Variants in A2M observed in about 807,000 individuals in gnomAD.
The protein encoded by A2M is C3 and PZP-like alpha-2-macroglobulin domain-containing protein 5.
In A2M, 128 loss-of-function variants were observed where a neutral mutation model predicts 183.9. The ratio of observed to expected loss-of-function variants is 0.70; its 90% CI spans 0.60 to 0.81. The LOEUF is 0.81. Among genes scored for constraint, A2M ranks in the 30% least tolerant of loss-of-function variants. The probability of loss-of-function intolerance (pLI) is 0.00; values close to 1 mark genes in which losing one functional copy is unlikely to be tolerated. For missense variants in A2M, 1,495 were observed against 1,787.6 expected (o/e 0.84, Z 2.95); for synonymous variants, 592 against 670.8 (o/e 0.88, Z 1.81).
At chr12:9,101,409 G>A in intron 12 of A2M, 38 bp downstream of exon 12, 1 of 1,541,188 alleles carries the variant, frequency 6.5e-7, no homozygotes, top group Non-Finnish European at 8.9e-7. Context: ...GAGAGCTTTT[G>A]TCTACAGTGA....
At chr12:9,095,771 G>C (rs1460098459) in intron 15 of A2M, 71 bp from the exon 16 acceptor site, 2 of 656,692 alleles carry the variant, frequency 3.0e-6, no homozygotes, top group Non-Finnish European at 4.2e-6. Context: ...TTTTTTTTTT[G>C]AGACGGAGTC....
Position 9,112,502 on chromosome 12 carries a change from A to C in A2M, c.305T>G (p.Phe102Cys). ...PKSSSNEEVMFLTVQVKGPTQ... is the reference protein window; with the variant it reads ...PKSSSNEEVMCLTVQVKGPTQ... ...TGGTCCTTTCACTTGGACAGTGAGG[A>C]ACATTACCTCCTCATTGGATGAAGA... Residue 102 changes from phenylalanine (F) to cysteine (C), a missense_variant, in exon 3 of 36, where the codon TTC becomes TGC. Transcript: ENST00000318602. 6.2e-7 allele frequency: 1 copy of C among 1,613,756 alleles called. No homozygotes were observed. The highest frequency in any genetic ancestry group is 1.1e-5 in the South Asian group (1 of 91,052).
Position 9,106,600 on chromosome 12 carries a change from G to A in A2M, c.885C>T (p.Asn295=), listed in dbSNP as rs913145672. The change falls in exon 9 of 36, where the codon AAC becomes AAT. Residue 295 remains asparagine (N), a synonymous_variant. Transcript: ENST00000318602. The part of the protein sequence containing the change: ...AFCEKFSGQL[N]SHGCFYQQVK... The stretch of plus-strand genomic sequence containing the variant: ...CTTGCTGATAGAAGCAGCCATGGCT[G>A]TTTAGCTAAGAAGGGAGAAAATAAA... 3.9e-6 allele frequency: 6 copies of A among 1,536,104 alleles called. No homozygotes were observed. Among genetic ancestry groups the A allele is most frequent in the African/African-American group, 1.4e-5 (1 of 73,364 alleles).
At position 9,109,857 on chromosome 12, in the gene A2M, T is replaced by C. The variant is rs769141617; in HGVS notation, c.673+10A>G. On this transcript the variant is annotated intron_variant, in intron 6 of 35. Coordinates refer to ENST00000318602, the MANE Select transcript of A2M (RefSeq NM_000014.6). ...AAAAATAATGCTTGATGACTTTTCA[T>C]GATCCATACCAAATTCCTCCACGGT... 6.3e-7 allele frequency: 1 copy of C among 1,581,828 alleles called. No individual in the cohort carries two copies. The highest frequency in any genetic ancestry group is 8.6e-7 in the Non-Finnish European group (1 of 1,168,216).
chr12:9,090,259 G>A (rs1046468355), intron 20 of A2M, 97 bp downstream of exon 20: 41 of 1,567,758 alleles, frequency 2.6e-5, no homozygotes, highest in Non-Finnish European at 3.5e-5. Context: ...GCAGCATCTA[G>A]TGGTCTTTTC....
chr12:9,109,225 G>A, intron 7 of A2M, 96 bp downstream of exon 7: 28 of 906,680 alleles, frequency 3.1e-5, no homozygotes, highest in Non-Finnish European at 4.5e-5. Flanking sequence ...AAATTTTTGT[G>A]TTGCCACTGC....
At chr12:9,104,200 GGCTACTTCAT>G (rs750024972) in intron 11 of A2M, 29 bp downstream of exon 11, 7 of 1,589,918 alleles carry the variant, frequency 4.4e-6, no homozygotes. Flanking sequence ...TTGTTTCCAA[GGCTACTTCAT>G]GTCATTGGTA....
At chr12:9,081,928 A>G (rs1948918226) in intron 22 of A2M, among the ~76,000 whole-genome samples, 1 of 152,252 alleles carries the variant, frequency 6.6e-6, no homozygotes, top group Non-Finnish European at 1.5e-5. Flanking sequence ...AGCCAACTGC[A>G]TAGCCCATCT....
At chr12:9,114,109 G>A (rs1938946390) in intron 1 of A2M, among the ~76,000 whole-genome samples, 1 of 152,118 alleles carries the variant, frequency 6.6e-6, no homozygotes, top group Non-Finnish European at 1.5e-5. Context: ...AGCTAATAAG[G>A]TCTTAAGAGT....
chr12:9,116,135 G>A (rs1939102830), upstream of A2M: 7 of 396,510 alleles, frequency 1.8e-5, no homozygotes, highest in Admixed American at 1.1e-4. Flanking sequence ...CACTTTTACC[G>A]TACAGCAGCT....
chr12:9,069,938 G>A, intron 32 of A2M, 125 bp from the exon 33 acceptor site: 2 of 783,724 alleles, frequency 2.6e-6, no homozygotes, highest in Non-Finnish European at 4.3e-6. Flanking sequence ...TTTTTGTAAG[G>A]AAATATATAA....
chr12:9,107,730 G>A (rs1404098787), intron 7 of A2M, 86 bp from the exon 8 acceptor site: 1 of 1,495,286 alleles, frequency 6.7e-7, no homozygotes, highest in African/African-American at 1.4e-5. Context: ...TTTAGCTACA[G>A]TATATTCCCT....
chr12:9,102,872 A>G (rs749170317), intron 11 of A2M, among the ~76,000 whole-genome samples: 103 of 152,352 alleles, frequency 6.8e-4, no homozygotes, highest in Non-Finnish European at 1.4e-3. Context: ...TATGCCATCT[A>G]TTAAAGCTAA....
Position 9,107,657 on chromosome 12 carries a change from C to T in A2M, c.759-13G>A, listed in dbSNP as rs368181509. 1.2e-6 allele frequency: 2 copies of T among 1,612,862 alleles called. No individual in the cohort carries two copies. The highest frequency in any genetic ancestry group is 1.7e-6 in the Non-Finnish European group (2 of 1,179,224). On this transcript the variant is annotated splice_polypyrimidine_tract_variant and intron_variant, in intron 7 of 35. Transcript: ENST00000318602. ...CCCATATGTGTATCTGTCATGAGAA[C>T]ATTCCCAAAGGAATCAGAGCAGACA...
At chr12:9,071,433 T>A (rs11048771) in intron 31 of A2M, among the ~76,000 whole-genome samples, 54,882 of 151,422 alleles carry the variant, frequency 0.36, 9,960 homozygotes, top group Non-Finnish European at 0.37. Context: ...ATGAAAAAAA[T>A]ATATATATAT....
intron 33 of A2M, among the ~76,000 whole-genome samples, chr12:9,069,420 A>G (rs1948497736): frequency 1.3e-5 from 2 of 152,172 alleles, no homozygotes; most frequent in African/African-American, 4.8e-5. Flanking sequence ...ATAATTAACT[A>G]ATAATTGACT....
chr12:9,079,106 C>T, intron 25 of A2M, 138 bp downstream of exon 25: 1 of 616,554 alleles, frequency 1.6e-6, no homozygotes, highest in Non-Finnish European at 2.7e-6. Context: ...CCTTGCTAAT[C>T]TTGGTGGATT....
chr12:9,068,674 T>A (rs1408894574), intron 34 of A2M, 66 bp downstream of exon 34: 10 of 1,276,962 alleles, frequency 7.8e-6, no homozygotes, highest in African/African-American at 5.9e-5. Context: ...CCCCAACACA[T>A]CTCCTAAACC....
chr12:9,073,075 C>CAAG lies in A2M; in HGVS notation c.3757-205_3757-204insCTT, dbSNP rs777402832. On this transcript the variant is annotated intron_variant, in intron 29 of 35. Transcript: ENST00000318602. ...CACATATCTACCTTGGACTGTATGCCCTACATGTTTATTTTATTTATCAGA... is the reference window on the plus strand; with the variant it reads ...CACATATCTACCTTGGACTGTATGCCAAGCTACATGTTTATTTTATTTATCAGA... Among the ~76,000 whole-genome samples, 80 of 152,264 alleles carry CAAG rather than the reference C, an allele frequency of 5.3e-4. No individual in the cohort carries two copies. The South Asian group carries it at 6.0e-3, about 11-fold the overall frequency.
Sources: gnomAD v4.1 joint callset for allele counts (sites outside exome capture counted in the v4.1 genomes callset) on GRCh38, gnomAD v4.1.1 for gene constraint, MANE v1.5 for transcripts, NCBI Gene and HGNC (gene_info 2026-07-23, HGNC 2026-07-21) for gene names.